SELP: variants seen among roughly 807,000 people sequenced by gnomAD.
SELP encodes selectin P.
A neutral mutation model predicts 104.1 loss-of-function variants in SELP; 92 were observed. That is an observed-to-expected ratio of 0.88 (90% CI 0.75 to 1.05). SELP has a LOEUF of 1.05. Ranked by LOEUF, SELP falls within the 50% of genes least tolerant of loss-of-function variation. SELP has a pLI of 0.00. For missense variants in SELP, 1,022 were observed against 1,017.3 expected (o/e 1.00, Z -0.06); for synonymous variants, 397 against 364.5 (o/e 1.09, Z -1.01).
intron 1 of SELP, among the ~76,000 whole-genome samples, chr1:169,626,568 G>C (rs559270920): frequency 6.6e-6 from 1 of 152,318 alleles, no homozygotes; most frequent in African/African-American, 2.4e-5. Flanking sequence ...TGAAGATTGG[G>C]AGATCCTAGA....
chr1:169,626,694 A>AT (rs1006079517), intron 1 of SELP, among the ~76,000 whole-genome samples: 9 of 151,956 alleles, frequency 5.9e-5, no homozygotes, highest in Non-Finnish European at 8.8e-5. Flanking sequence ...TGGTGGTATG[A>AT]TTTTTTTTGT....
intron 9 of SELP, among the ~76,000 whole-genome samples, chr1:169,606,242 G>A (rs969070092): frequency 2.6e-5 from 4 of 152,138 alleles, no homozygotes; most frequent in Non-Finnish European, 4.4e-5. Flanking sequence ...GCTTGAACCC[G>A]GGAGGCGGAG....
chr1:169,595,513 G>T (rs562948182), intron 12 of SELP, among the ~76,000 whole-genome samples: 23 of 152,298 alleles, frequency 1.5e-4, no homozygotes, highest in Non-Finnish European at 3.1e-4. Flanking sequence ...TAGGGCGATA[G>T]CTCTTCAGGA....
intron 1 of SELP, among the ~76,000 whole-genome samples, chr1:169,628,377 C>G (rs919613424): frequency 2.0e-5 from 3 of 152,184 alleles, no homozygotes; most frequent in Non-Finnish European, 4.4e-5. Context: ...TTTACACAGG[C>G]AGTTTGAGGT....
chr1:169,605,238 G>T (rs1250988088), intron 9 of SELP, among the ~76,000 whole-genome samples: 2 of 152,160 alleles, frequency 1.3e-5, no homozygotes, highest in East Asian at 3.9e-4. Flanking sequence ...TGGACTTTGT[G>T]ATATGTCCAG....
intron 1 of SELP, among the ~76,000 whole-genome samples, chr1:169,621,007 G>A (rs1348141407): frequency 6.9e-6 from 1 of 145,884 alleles, no homozygotes; most frequent in Admixed American, 6.8e-5. Flanking sequence ...ATAATGTAGG[G>A]TGGATGGGAC....
chr1:169,609,858 T>A (rs1052840043), intron 7 of SELP, among the ~76,000 whole-genome samples, 169 bp from the exon 8 acceptor site: 1 of 152,094 alleles, frequency 6.6e-6, no homozygotes, highest in East Asian at 1.9e-4. Flanking sequence ...CCCATGCCCC[T>A]CTTGGCCTGA....
chr1:169,591,585 G>C, intron 14 of SELP, 129 bp from the exon 15 acceptor site: 2 of 549,464 alleles, frequency 3.6e-6, no homozygotes, highest in Middle Eastern at 3.7e-4. Flanking sequence ...ATTATAAGGG[G>C]AATATTGGGA....
Position 169,619,161 on chromosome 1 carries a change from G to A in SELP, c.62C>T (p.Ser21Phe). 6.2e-7 allele frequency: 1 copy of A among 1,614,014 alleles called. No individual in the cohort carries two copies. The highest frequency in any genetic ancestry group is 8.5e-7 in the Non-Finnish European group (1 of 1,179,894). Residue 21 changes from serine to phenylalanine, a missense_variant, in exon 2 of 17, where the codon TCC becomes TTC. By Grantham distance (155) the Ser-to-Phe change is radical (BLOSUM62 -2). Transcript: ENST00000263686. ...QRFQRVVFGI[S>F]QLLCFSALIS... is the part of the protein sequence containing the mutation. The stretch of plus-strand genomic sequence containing the variant: ...CAGGGCACTGAAGCAAAGGAGTTGG[G>A]AAATTCCAAAGACCACTCTCTGGAA...
chr1:169,628,661 A>T (rs1663492170), intron 1 of SELP, among the ~76,000 whole-genome samples: 1 of 152,230 alleles, frequency 6.6e-6, no homozygotes, highest in Non-Finnish European at 1.5e-5. Context: ...TCTGGGAAAG[A>T]CAAGTTGTAA....
rs149110501 is a variant in SELP at position 169,608,075 on chromosome 1, A to G, written c.1334-941T>C. On this transcript the variant is annotated intron_variant, in intron 8 of 16. Coordinates refer to ENST00000263686, the MANE Select transcript of SELP (RefSeq NM_003005.4). ...TTTTCTCCCAGATAACATATACAAT[A>G]CATTCCATAACTCAGACTAAGTGTC... Among the ~76,000 whole-genome samples, 24 of 152,028 alleles carry G rather than the reference A, an allele frequency of 1.6e-4. 1 individual carries two copies. The East Asian group carries it at 4.6e-3, about 29-fold the overall frequency.
chr1:169,598,718 C>A (rs762023814), intron 10 of SELP, among the ~76,000 whole-genome samples: 18 of 152,154 alleles, frequency 1.2e-4, no homozygotes, highest in Non-Finnish European at 2.2e-4. Context: ...TGTATAATGT[C>A]AGCTGCAGGA....
At chr1:169,612,123 G>T in intron 6 of SELP, 94 bp downstream of exon 6, 1 of 1,317,348 alleles carries the variant, frequency 7.6e-7, no homozygotes, top group Non-Finnish European at 1.1e-6. Context: ...TGGCAATTCA[G>T]GCCAGCTTCT....
At chr1:169,590,269 A>T (rs1262676863) in intron 15 of SELP, 67 bp from the exon 16 acceptor site, 3 of 1,170,182 alleles carry the variant, frequency 2.6e-6, no homozygotes. Context: ...AGTCCAACAC[A>T]TAGTATTTCC....
At chr1:169,593,440 C>A (rs1035784191) in intron 14 of SELP, among the ~76,000 whole-genome samples, 165 bp downstream of exon 14, 3 of 152,154 alleles carry the variant, frequency 2.0e-5, no homozygotes, top group African/African-American at 7.2e-5. Context: ...AATGGACAAT[C>A]AGTTCTCAAG....
intron 9 of SELP, 27 bp from the exon 10 acceptor site, chr1:169,603,238 A>G: frequency 5.7e-6 from 9 of 1,590,722 alleles, no homozygotes; most frequent in Non-Finnish European, 7.7e-6. Context: ...AGAGGAGAAA[A>G]GAAGAGATCA....
At chr1:169,589,994 G>A (rs1353360620) in intron 16 of SELP, among the ~76,000 whole-genome samples, 153 bp downstream of exon 16, 1 of 152,136 alleles carries the variant, frequency 6.6e-6, no homozygotes, top group Non-Finnish European at 1.5e-5. Context: ...TCATACCTGT[G>A]TCCTACTGCC....
At chr1:169,607,350 A>G (rs1662254633) in intron 8 of SELP, among the ~76,000 whole-genome samples, 2 of 152,190 alleles carry the variant, frequency 1.3e-5, no homozygotes, top group South Asian at 4.1e-4. Flanking sequence ...AACATGTGTC[A>G]ATAATTTTTA....
intron 3 of SELP, among the ~76,000 whole-genome samples, chr1:169,614,612 A>G (rs1662718849): frequency 6.6e-6 from 1 of 152,156 alleles, no homozygotes; most frequent in African/African-American, 2.4e-5. Flanking sequence ...CCCTGTCCAC[A>G]TGCTGGTTCA....
Sources: allele counts gnomAD v4.1 joint callset (sites outside exome capture counted in the v4.1 genomes callset), GRCh38; gene constraint gnomAD v4.1.1; transcripts MANE v1.5; gene names NCBI Gene and HGNC (gene_info 2026-07-23, HGNC 2026-07-21).